DOK6: variants seen among roughly 807,000 people sequenced by gnomAD.
The protein encoded by DOK6 is docking protein 6, also known as downstream of tyrosine kinase 6.
A neutral mutation model predicts 44.0 loss-of-function variants in DOK6; 22 were observed. That is an observed-to-expected ratio of 0.50 (90% confidence interval 0.36 to 0.71). The LOEUF (loss-of-function observed/expected upper bound fraction) is 0.71. DOK6 is among the 30% of genes least tolerant of loss of function. The pLI is 0.00. For synonymous variants in DOK6, 166 were observed against 145.5 expected (o/e 1.14, Z -1.01); for missense variants, 340 against 416.4 (o/e 0.82, Z 1.60).
rs369228254 is a variant in DOK6, at chr18:69,627,650, C to T, written c.289+28152C>T. Among the ~76,000 whole-genome samples the T allele has an allele frequency of 6.1e-3, 932 of 152,134 alleles. 12 individuals are homozygous for T. The highest frequency in any genetic ancestry group is 0.021 in the African/African-American group (882 of 41,504). On this transcript the variant is annotated intron_variant, in intron 3 of 7. Coordinates refer to ENST00000382713, the MANE Select transcript of DOK6 (RefSeq NM_152721.6). ...ATTTTTAGTAGAGACGGGGTTTCAC[C>T]GTGTTAGCCAGGATGGTCTCGATCT...
At chr18:69,681,037 C>G (rs1986032270) in intron 4 of DOK6, among the ~76,000 whole-genome samples, 1 of 152,058 alleles carries the variant, frequency 6.6e-6, no homozygotes, top group Non-Finnish European at 1.5e-5. Context: ...ATTGAATAAT[C>G]TTTTATCAAA....
rs1986953282 is a variant in DOK6, at chr18:69,719,290, T to C, written c.600-19675T>C. ...CATAGGAGTATTGAAACTGTCTTCA[T>C]GCACTGAGTCAGTTTCTGGGTGAGG... On this transcript the variant is annotated intron_variant, in intron 5 of 7. Transcript: ENST00000382713. Among the ~76,000 whole-genome samples, 3 of 152,346 alleles carry C rather than the reference T, an allele frequency of 2.0e-5. No homozygotes were observed. In the South Asian group the frequency reaches 6.2e-4, roughly 32 times the overall value.
intron 1 of DOK6, among the ~76,000 whole-genome samples, chr18:69,556,165 G>C (rs1982680221): frequency 6.6e-6 from 1 of 152,142 alleles, no homozygotes; most frequent in Admixed American, 6.6e-5. Context: ...GAGAGTAAAA[G>C]CCAAGATCCC....
At position 69,634,066 on chromosome 18, in the gene DOK6, CA is replaced by C. The variant is rs566093310; in HGVS notation, c.289+34580del. 6.7e-3 allele frequency among the ~76,000 whole-genome samples: 934 copies of C among 139,232 alleles called. 2 individuals carry two copies. The highest frequency in any genetic ancestry group is 0.011 in the Middle Eastern group (3 of 270). The allele number at this position is 139,232 out of a possible 152,430, so 91.3% of individuals were successfully genotyped here. A position where few individuals can be genotyped will look rare whatever the true frequency, so the allele number is the denominator to read the frequency against. On this transcript the variant is annotated intron_variant, in intron 3 of 7. Transcript: ENST00000382713. Reference sequence around the variant, plus strand: ...AATATAAGAAAGTTATCTCCCAAATCAAAAAAAAAAAAGTACAAAATGGTTT... The same window carrying C: ...AATATAAGAAAGTTATCTCCCAAATCAAAAAAAAAAAGTACAAAATGGTTT...
At chr18:69,804,501 A>G (rs1980996183) in intron 7 of DOK6, among the ~76,000 whole-genome samples, 2 of 152,214 alleles carry the variant, frequency 1.3e-5, no homozygotes, top group Non-Finnish European at 2.9e-5. Flanking sequence ...TCAATTAGAA[A>G]CAGAGATACT....
chr18:69,835,531 T>C (rs1201579238), intron 7 of DOK6, among the ~76,000 whole-genome samples: 4 of 151,948 alleles, frequency 2.6e-5, no homozygotes, highest in African/African-American at 9.7e-5. Context: ...AGTAAGAGCC[T>C]GTGAAATAAA....
chr18:69,536,813 A>T (rs1025750537), intron 1 of DOK6, among the ~76,000 whole-genome samples: 1 of 151,928 alleles, frequency 6.6e-6, no homozygotes, highest in South Asian at 2.1e-4. Context: ...ATTTTACAAG[A>T]GAGAATTAGA....
At chr18:69,607,497 A>C (rs79051125) in intron 3 of DOK6, among the ~76,000 whole-genome samples, 1 of 127,726 alleles carries the variant, frequency 7.8e-6, no homozygotes, top group Non-Finnish European at 1.7e-5. Flanking sequence ...ATTTCCTTGG[A>C]TATAAAAAAA....
At chr18:69,676,137 C>A (rs1167127918) in intron 3 of DOK6, among the ~76,000 whole-genome samples, 1 of 152,136 alleles carries the variant, frequency 6.6e-6, no homozygotes, top group Admixed American at 6.5e-5. Context: ...TGATAGTATG[C>A]CTTACATCAG....
chr18:69,744,195 A>G (rs922147561), intron 6 of DOK6, among the ~76,000 whole-genome samples: 1 of 152,070 alleles, frequency 6.6e-6, no homozygotes, highest in Non-Finnish European at 1.5e-5. Context: ...CTGTAATCCC[A>G]GCTACTCAGG....
rs746868871 is a variant in DOK6 at position 69,698,479 on chromosome 18, A to C, written c.485A>C (p.Glu162Ala). Residue 162 changes from glutamate (E) to alanine (A), a missense_variant, in exon 5 of 8, where the codon GAA (glutamate) becomes GCA (alanine). Glu to Ala is a moderately radical substitution (Grantham distance 107). This residue lies in a region of DOK6 where 206 missense variants were observed against 258.6 expected (regional missense o/e 0.80). Coordinates refer to ENST00000382713, the MANE Select transcript of DOK6 (RefSeq NM_152721.6). ...YGECTMQITH[E>A]NIYLWDIHNA... Reference sequence around the variant, plus strand: ...GAATGCACAATGCAGATCACTCATGAAAATATCTATCTCTGGGATATCCAC... The same window carrying C: ...GAATGCACAATGCAGATCACTCATGCAAATATCTATCTCTGGGATATCCAC... The C allele has an allele frequency of 6.2e-7, 1 of 1,614,148 alleles. No homozygotes were observed. Among genetic ancestry groups the C allele is most frequent in the Non-Finnish European group, 8.5e-7 (1 of 1,179,968 alleles).
chr18:69,653,639 C>G (rs1485287829), intron 3 of DOK6, among the ~76,000 whole-genome samples: 2 of 152,146 alleles, frequency 1.3e-5, no homozygotes, highest in African/African-American at 4.8e-5. Context: ...ACAAACTGAA[C>G]AAAAACTAGT....
At chr18:69,478,747 A>C (rs8089890) in intron 1 of DOK6, among the ~76,000 whole-genome samples, 36,081 of 151,970 alleles carry the variant, frequency 0.24, 4,561 homozygotes, top group East Asian at 0.52. Context: ...CATTACCATG[A>C]TACATTTATT....
At chr18:69,505,917 CA>C (rs34197020) in intron 1 of DOK6, among the ~76,000 whole-genome samples, 5,078 of 148,568 alleles carry the variant, frequency 0.034, 152 homozygotes, top group South Asian at 0.064. Context: ...AAAACTTCCT[CA>C]AAAAAAAAAT....
At chr18:69,410,389 G>A (rs190832703) in intron 1 of DOK6, among the ~76,000 whole-genome samples, 2 of 152,302 alleles carry the variant, frequency 1.3e-5, no homozygotes, top group Non-Finnish European at 2.9e-5. Context: ...GATAATTGTT[G>A]CCATCAAATG....
At chr18:69,455,165 AAAAAAAAAAGAAAAG>A in intron 1 of DOK6, among the ~76,000 whole-genome samples, 1 of 141,178 alleles carries the variant, frequency 7.1e-6, no homozygotes, top group South Asian at 2.3e-4. Context: ...GCAAAAAAAA[AAAAAAAAAAGAAAAG>A]AAAAAGAAAA....
At chr18:69,697,625 C>CA (rs60966414) in intron 4 of DOK6, among the ~76,000 whole-genome samples, 1,762 of 145,620 alleles carry the variant, frequency 0.012, 32 homozygotes, top group African/African-American at 0.035. Context: ...TCTTATTTTT[C>CA]AAAAAAAAAA....
intron 1 of DOK6, among the ~76,000 whole-genome samples, chr18:69,511,612 G>C (rs560507404): frequency 1.3e-5 from 2 of 152,204 alleles, no homozygotes; most frequent in Non-Finnish European, 2.9e-5. Context: ...CAATAAATAG[G>C]ATTAGGCCCA....
chr18:69,576,076 G>A (rs931874605), intron 2 of DOK6, among the ~76,000 whole-genome samples: 5 of 152,130 alleles, frequency 3.3e-5, no homozygotes, highest in Non-Finnish European at 7.4e-5. Flanking sequence ...CTTCAGAAGT[G>A]TACATTGGCC....
Sources: gnomAD v4.1 joint callset for allele counts (sites outside exome capture counted in the v4.1 genomes callset) on GRCh38, gnomAD v4.1.1 for gene constraint, gnomAD v4.1.1 regional missense constraint, MANE v1.5 for transcripts, NCBI Gene and HGNC (gene_info 2026-07-23, HGNC 2026-07-21) for gene names.